CSMD1: variants seen among roughly 807,000 people sequenced by gnomAD.
CSMD1 encodes the protein CUB and sushi domain-containing protein 1.
CSMD1 carries 213 observed loss-of-function variants against 417.5 expected under a neutral mutation model. The observed-to-expected ratio is 0.51, with a 90% CI of 0.46 to 0.57. CSMD1 has a LOEUF of 0.57. Among genes scored for constraint, CSMD1 ranks in the 20% least tolerant of loss-of-function variants. CSMD1 has a pLI of 0.00. For synonymous variants in CSMD1, 2,862 were observed against 1,736.8 expected, an observed-to-expected ratio of 1.65 and a Z score of -16.11; for missense variants, 6,923 against 4,529.7, an observed-to-expected ratio of 1.53 and a Z score of -15.17.
chr8:3,994,854 C>A (rs1026029525), intron 5 of CSMD1, among the ~76,000 whole-genome samples: 1 of 152,104 alleles, frequency 6.6e-6, no homozygotes, highest in African/African-American at 2.4e-5. Context: ...AACAATTTTC[C>A]AAGTAGCTTC....
chr8:3,764,241 C>T lies in CSMD1; in HGVS notation c.819-10199G>A, dbSNP rs114363228. Among the ~76,000 whole-genome samples, 547 of 152,282 alleles carry T rather than the reference C, an allele frequency of 3.6e-3. 4 individuals carry two copies. Among genetic ancestry groups the T allele is most frequent in the African/African-American group, 0.013 (537 of 41,562 alleles). On this transcript the variant is annotated intron_variant, in intron 5 of 69. Coordinates refer to ENST00000635120, the MANE Select transcript of CSMD1 (RefSeq NM_033225.6). ...TGTTCCACCTGCAAAGTACGCTTCT[C>T]GCTTCTCTTCCAGCTACACACTGCC...
chr8:3,912,260 A>C (rs188625428), intron 5 of CSMD1, among the ~76,000 whole-genome samples: 1 of 152,190 alleles, frequency 6.6e-6, no homozygotes, highest in Non-Finnish European at 1.5e-5. Flanking sequence ...AAATATCACT[A>C]ATTATTCAAA....
chr8:3,220,847 C>A (rs963286951), intron 28 of CSMD1, among the ~76,000 whole-genome samples: 12 of 152,000 alleles, frequency 7.9e-5, no homozygotes, highest in Non-Finnish European at 1.5e-4. Context: ...AACCAATCAA[C>A]CAACCAACCA....
At chr8:4,310,517 TAAATA>T (rs1236717445) in intron 3 of CSMD1, among the ~76,000 whole-genome samples, 9 of 94,394 alleles carry the variant, frequency 9.5e-5, no homozygotes, top group East Asian at 6.2e-4. Context: ...TCTTCCACAT[TAAATA>T]AAATATCTTT....
chr8:3,244,410 G>C (rs987013843), intron 26 of CSMD1, among the ~76,000 whole-genome samples: 2 of 152,096 alleles, frequency 1.3e-5, no homozygotes, highest in Admixed American at 6.6e-5. Flanking sequence ...ATCTGCTTTT[G>C]TTTAACAGAG....
intron 1 of CSMD1, among the ~76,000 whole-genome samples, chr8:4,751,074 A>G (rs1378340948): frequency 6.6e-6 from 1 of 152,180 alleles, no homozygotes; most frequent in African/African-American, 2.4e-5. Flanking sequence ...AGTTTGATAT[A>G]CATGTGCATC....
At chr8:4,338,370 C>T (rs1198181361) in intron 3 of CSMD1, among the ~76,000 whole-genome samples, 3 of 152,170 alleles carry the variant, frequency 2.0e-5, no homozygotes, top group African/African-American at 7.2e-5. Context: ...ACAAAAATAT[C>T]TTATGTTTGC....
Position 4,281,362 on chromosome 8 carries a change from G to C in CSMD1, c.415+138591C>G, listed in dbSNP as rs561937670. Among the ~76,000 whole-genome samples the C allele has an allele frequency of 2.1e-4, 32 of 152,248 alleles. No individual in the cohort carries two copies. In the East Asian group the frequency reaches 6.0e-3, roughly 28 times the overall value. ...CCCACAGAGTAAGATGACGGCATAA[G>C]GTCTTTGCATAAACCAGTGGTTTTT... On this transcript the variant is annotated intron_variant, in intron 3 of 69. Coordinates refer to ENST00000635120, the MANE Select transcript of CSMD1 (RefSeq NM_033225.6).
chr8:4,764,872 CAAAAAA>C (rs1194894751), intron 1 of CSMD1, among the ~76,000 whole-genome samples: 2 of 50,948 alleles, frequency 3.9e-5, no homozygotes, highest in East Asian at 5.1e-4. Context: ...GACTCCATCT[CAAAAAA>C]AAAAAAAAAA....
chr8:4,325,725 C>T (rs1799521205), intron 3 of CSMD1, among the ~76,000 whole-genome samples: 1 of 152,036 alleles, frequency 6.6e-6, no homozygotes, highest in Non-Finnish European at 1.5e-5. Context: ...AGATGGAATC[C>T]AACACTGAGA....
intron 1 of CSMD1, among the ~76,000 whole-genome samples, chr8:4,949,938 T>G (rs1808627820): frequency 6.6e-6 from 1 of 152,122 alleles, no homozygotes; most frequent in Non-Finnish European, 1.5e-5. Flanking sequence ...GTGTATTCTA[T>G]CTACATTGCA....
chr8:4,438,606 T>G (rs1798280653), intron 2 of CSMD1, among the ~76,000 whole-genome samples: 1 of 152,310 alleles, frequency 6.6e-6, no homozygotes, highest in South Asian at 2.1e-4. Context: ...TGCTGAATCA[T>G]GCTCCTATTA....
intron 1 of CSMD1, among the ~76,000 whole-genome samples, chr8:4,927,676 A>T (rs1331979075): frequency 2.6e-5 from 4 of 152,196 alleles, no homozygotes; most frequent in Non-Finnish European, 5.9e-5. Flanking sequence ...TGGTGATGAC[A>T]CTGTGAACTA....
chr8:4,094,790 T>C (rs1800912848), intron 3 of CSMD1, among the ~76,000 whole-genome samples: 1 of 152,148 alleles, frequency 6.6e-6, no homozygotes, highest in Non-Finnish European at 1.5e-5. Context: ...CATGGAGTAC[T>C]GGATAAACAG....
chr8:4,505,960 G>A (rs953363079), intron 2 of CSMD1, among the ~76,000 whole-genome samples: 2 of 151,936 alleles, frequency 1.3e-5, no homozygotes, highest in East Asian at 3.9e-4. Flanking sequence ...CACCACGCCT[G>A]GGTAATTTTT....
intron 1 of CSMD1, among the ~76,000 whole-genome samples, chr8:4,646,893 G>C (rs973578345): frequency 6.6e-6 from 1 of 152,124 alleles, no homozygotes; most frequent in East Asian, 1.9e-4. Context: ...GACAAATTAT[G>C]AGCAGATTTT....
chr8:3,182,654 A>G (rs1336477439), intron 36 of CSMD1, among the ~76,000 whole-genome samples: 4 of 34,398 alleles, frequency 1.2e-4, no homozygotes, highest in East Asian at 7.4e-4. Flanking sequence ...GAGAAGGGGG[A>G]CTCTGGCTGT....
Position 3,214,629 on chromosome 8 carries a change from C to G in CSMD1, c.4735G>C (p.Asp1579His), listed in dbSNP as rs1205164783. ...NIMNGTRVGTDFKLGSTITYQ... is the reference protein window; with the variant it reads ...NIMNGTRVGTHFKLGSTITYQ... Reference sequence around the variant, plus strand: ...GTGATGGTGGAGCCAAGCTTGAAGTCTGTTCCAACTCTTGTCCCATTCATT... The same window carrying G: ...GTGATGGTGGAGCCAAGCTTGAAGTGTGTTCCAACTCTTGTCCCATTCATT... The change falls in exon 30 of 70, where the codon GAC (aspartate) becomes CAC (histidine). Residue 1579 changes from aspartate to histidine, a missense_variant. Coordinates refer to ENST00000635120, the MANE Select transcript of CSMD1 (RefSeq NM_033225.6). 1.3e-6 allele frequency: 2 copies of G among 1,555,068 alleles called. No individual in the cohort carries two copies. The highest frequency in any genetic ancestry group is 8.7e-7 in the Non-Finnish European group (1 of 1,148,824).
intron 5 of CSMD1, among the ~76,000 whole-genome samples, chr8:3,993,315 G>C (rs1363229911): frequency 1.3e-5 from 2 of 152,184 alleles, no homozygotes; most frequent in Non-Finnish European, 2.9e-5. Flanking sequence ...GAGAAGGATT[G>C]ATTTCAGGGA....
Sources: gnomAD v4.1 joint callset for allele counts (sites outside exome capture counted in the v4.1 genomes callset) on GRCh38, gnomAD v4.1.1 for gene constraint, MANE v1.5 for transcripts, NCBI Gene and HGNC (gene_info 2026-07-23, HGNC 2026-07-21) for gene names.